HS3ST4: variants seen among roughly 807,000 people sequenced by gnomAD.
The protein encoded by HS3ST4 is heparan sulfate glucosamine 3-O-sulfotransferase 4.
HS3ST4 carries 17 observed loss-of-function variants against 29.2 expected under a neutral mutation model. The observed-to-expected ratio is 0.58, with a 90% CI of 0.40 to 0.87. The LOEUF is 0.87. Among genes scored for constraint, HS3ST4 ranks in the 40% least tolerant of loss-of-function variants. HS3ST4 has a pLI of 0.00. For synonymous variants in HS3ST4, 314 were observed against 285.7 expected, an observed-to-expected ratio of 1.10 and a Z score of -1.00; for missense variants, 627 against 634.5, an observed-to-expected ratio of 0.99 and a Z score of 0.13.
intron 1 of HS3ST4, among the ~76,000 whole-genome samples, chr16:25,856,066 C>T (rs1967571502): frequency 6.6e-6 from 1 of 151,992 alleles, no homozygotes; most frequent in Admixed American, 6.6e-5. Flanking sequence ...CTCCAATTCC[C>T]CACCAGAGCC....
In HS3ST4 at chr16:25,860,795, A is replaced by G. The variant is rs111388402; in HGVS notation, c.734+167644A>G. Among the ~76,000 whole-genome samples, 1,065 of 152,330 alleles carry G rather than the reference A, an allele frequency of 7.0e-3. 10 individuals are homozygous for G. The highest frequency in any genetic ancestry group is 0.024 in the African/African-American group (1,011 of 41,580). On this transcript the variant is annotated intron_variant, in intron 1 of 1. Transcript: ENST00000331351. ...TGTATGATACTACGATGGTGGATAC[A>G]TGGCATTATAAATTTGCCCAGACCC...
intron 1 of HS3ST4, among the ~76,000 whole-genome samples, chr16:25,749,406 G>A (rs905456234): frequency 3.9e-5 from 6 of 151,994 alleles, no homozygotes; most frequent in Non-Finnish European, 7.4e-5. Context: ...GAGGTGGGAG[G>A]ATCACCTGAA....
chr16:25,960,993 C>G (rs187575867), intron 1 of HS3ST4, among the ~76,000 whole-genome samples: 1 of 152,196 alleles, frequency 6.6e-6, no homozygotes. Context: ...GCCTTCTCCT[C>G]ATTCCCACTC....
At chr16:26,011,673 T>C (rs1969311729) in intron 1 of HS3ST4, among the ~76,000 whole-genome samples, 1 of 132,330 alleles carries the variant, frequency 7.6e-6, no homozygotes, top group Non-Finnish European at 1.5e-5. Flanking sequence ...AACAGGTATA[T>C]GTTTGTGTGT....
At chr16:25,893,990 C>T (rs532200981) in intron 1 of HS3ST4, among the ~76,000 whole-genome samples, 2 of 152,238 alleles carry the variant, frequency 1.3e-5, no homozygotes, top group African/African-American at 2.4e-5. Flanking sequence ...TAAACCAGGG[C>T]GATTTCTACC....
chr16:25,746,727 A>G (rs913820652), intron 1 of HS3ST4, among the ~76,000 whole-genome samples: 3 of 151,206 alleles, frequency 2.0e-5, no homozygotes, highest in African/African-American at 4.9e-5. Context: ...AATTTTTTGT[A>G]TCTTTAGTAG....
intron 1 of HS3ST4, among the ~76,000 whole-genome samples, chr16:26,060,298 T>C (rs554153590): frequency 2.0e-5 from 3 of 152,260 alleles, no homozygotes; most frequent in African/African-American, 7.2e-5. Flanking sequence ...TTGGAGTCTT[T>C]GGGGTGTCCA....
At chr16:25,950,291 A>G (rs1968670625) in intron 1 of HS3ST4, among the ~76,000 whole-genome samples, 1 of 151,970 alleles carries the variant, frequency 6.6e-6, no homozygotes, top group Non-Finnish European at 1.5e-5. Context: ...CCATCAACAC[A>G]CTCAGAGACA....
chr16:25,744,652 T>C (rs1966675037), intron 1 of HS3ST4, among the ~76,000 whole-genome samples: 1 of 152,174 alleles, frequency 6.6e-6, no homozygotes, highest in Non-Finnish European at 1.5e-5. Flanking sequence ...TTTGGCTGTG[T>C]CCCCACCCAA....
intron 1 of HS3ST4, among the ~76,000 whole-genome samples, chr16:25,794,973 CT>C (rs58579462): frequency 9.2e-4 from 116 of 126,106 alleles, no homozygotes; most frequent in Admixed American, 1.4e-3. Context: ...TTTTTCTTTA[CT>C]TTTTTTTTTT....
intron 1 of HS3ST4, among the ~76,000 whole-genome samples, chr16:25,748,960 G>T (rs148754177): frequency 1.3e-5 from 2 of 152,246 alleles, no homozygotes; most frequent in East Asian, 3.9e-4. Flanking sequence ...CCCATTTTCT[G>T]ATAGCCAGGG....
At chr16:25,807,734 A>G (rs1967002757) in intron 1 of HS3ST4, among the ~76,000 whole-genome samples, 1 of 152,214 alleles carries the variant, frequency 6.6e-6, no homozygotes, top group Non-Finnish European at 1.5e-5. Flanking sequence ...AAACATTTCC[A>G]GAATGGTGGT....
chr16:25,880,409 T>C (rs918649885), intron 1 of HS3ST4, among the ~76,000 whole-genome samples: 1 of 152,200 alleles, frequency 6.6e-6, no homozygotes, highest in African/African-American at 2.4e-5. Flanking sequence ...CAACCACTTC[T>C]ATGAAGTGTA....
intron 1 of HS3ST4, among the ~76,000 whole-genome samples, chr16:25,700,993 CA>C (rs1438703155): frequency 3.9e-5 from 6 of 152,020 alleles, no homozygotes; most frequent in African/African-American, 1.4e-4. Context: ...TTGTAAACAA[CA>C]AAAGACATTT....
At chr16:25,988,770 A>C (rs1418346095) in intron 1 of HS3ST4, among the ~76,000 whole-genome samples, 1 of 152,050 alleles carries the variant, frequency 6.6e-6, no homozygotes, top group Non-Finnish European at 1.5e-5. Flanking sequence ...ACTAGGCTTA[A>C]TACCTGAGTG....
chr16:25,785,805 T>C (rs1366822600), intron 1 of HS3ST4, among the ~76,000 whole-genome samples: 1 of 151,678 alleles, frequency 6.6e-6, no homozygotes, highest in Non-Finnish European at 1.5e-5. Flanking sequence ...AGAGGGGAAG[T>C]GAGTGACACA....
At chr16:25,895,098 C>A (rs1482486142) in intron 1 of HS3ST4, among the ~76,000 whole-genome samples, 1 of 151,806 alleles carries the variant, frequency 6.6e-6, no homozygotes, top group Non-Finnish European at 1.5e-5. Flanking sequence ...TAGGAACTGC[C>A]TGGAACCAGG....
At chr16:25,792,118 C>T (rs547641076) in intron 1 of HS3ST4, among the ~76,000 whole-genome samples, 1 of 151,782 alleles carries the variant, frequency 6.6e-6, no homozygotes, top group South Asian at 2.1e-4. Flanking sequence ...CTTTTTCACC[C>T]TTTTTTATTA....
chr16:26,109,427 A>C (rs1389693618), intron 1 of HS3ST4, among the ~76,000 whole-genome samples: 3 of 152,180 alleles, frequency 2.0e-5, no homozygotes, highest in African/African-American at 7.2e-5. Context: ...AACATTTACT[A>C]GTGGTAGTAA....
Sources: allele counts gnomAD v4.1 joint callset (sites outside exome capture counted in the v4.1 genomes callset), GRCh38; gene constraint gnomAD v4.1.1; transcripts MANE v1.5; gene names NCBI Gene and HGNC (gene_info 2026-07-23, HGNC 2026-07-21).